The following SLC45A4 variants were observed in gnomAD, a reference collection of about 807,000 sequenced individuals.
SLC45A4 encodes solute carrier family 45 member 4.
In SLC45A4, 32 loss-of-function variants were observed where a neutral mutation model predicts 63.7. The observed-to-expected ratio is 0.50, with a 90% CI of 0.38 to 0.67. The LOEUF is 0.67. Ranked by LOEUF, SLC45A4 falls within the 30% of genes least tolerant of loss-of-function variation. The pLI, the probability that SLC45A4 is intolerant of heterozygous loss-of-function variation, is 0.00. For missense variants in SLC45A4, 1,027 were observed against 1,157.7 expected, an observed-to-expected ratio of 0.89 and a Z score of 1.64; for synonymous variants, 535 against 510.0, an observed-to-expected ratio of 1.05 and a Z score of -0.66.
At chr8:141,270,839 C>G (rs913382466) in intron 1 of SLC45A4, among the ~76,000 whole-genome samples, 1 of 152,138 alleles carries the variant, frequency 6.6e-6, no homozygotes, top group Non-Finnish European at 1.5e-5. Flanking sequence ...TGGGTCCCCA[C>G]GGCACCACCA....
intron 1 of SLC45A4, among the ~76,000 whole-genome samples, chr8:141,270,623 A>G (rs1456630888): frequency 6.6e-6 from 1 of 152,106 alleles, no homozygotes; most frequent in Non-Finnish European, 1.5e-5. Context: ...GTGAGCCAAG[A>G]TCGCATCGCT....
intron 2 of SLC45A4, among the ~76,000 whole-genome samples, chr8:141,222,641 G>A (rs1033020580): frequency 2.0e-5 from 3 of 152,240 alleles, no homozygotes; most frequent in Admixed American, 6.5e-5. Flanking sequence ...AAACAGTGTC[G>A]GCAGTCACAA....
At chr8:141,304,738 C>T (rs1018822616) in intron 1 of SLC45A4, among the ~76,000 whole-genome samples, 1 of 152,092 alleles carries the variant, frequency 6.6e-6, no homozygotes, top group Non-Finnish European at 1.5e-5. Context: ...CCAAGTGTCC[C>T]GTCTTCCTGG....
chr8:141,263,429 T>A (rs535598247), intron 1 of SLC45A4, among the ~76,000 whole-genome samples: 13 of 144,490 alleles, frequency 9.0e-5, no homozygotes, highest in African/African-American at 2.0e-4. Context: ...TGTGAAAAAA[T>A]AAATAAATAA....
intron 1 of SLC45A4, among the ~76,000 whole-genome samples, chr8:141,260,847 A>G (rs915226507): frequency 2.0e-5 from 3 of 152,236 alleles, no homozygotes; most frequent in African/African-American, 4.8e-5. Flanking sequence ...TCAATAGAAA[A>G]AGAGGGAATC....
At chr8:141,249,971 C>T (rs932749652) in intron 2 of SLC45A4, among the ~76,000 whole-genome samples, 1 of 152,192 alleles carries the variant, frequency 6.6e-6, no homozygotes, top group East Asian at 1.9e-4. Flanking sequence ...TACAGTTTTA[C>T]GTGAACTCTG....
intron 7 of SLC45A4, among the ~76,000 whole-genome samples, chr8:141,213,383 TG>T (rs1176750902): frequency 6.6e-6 from 1 of 152,250 alleles, no homozygotes; most frequent in Admixed American, 6.5e-5. Context: ...ACATGGGGTA[TG>T]TTCTCTGGCC....
In SLC45A4 at chr8:141,221,637, G is replaced by C. The variant is rs757182744; in HGVS notation, c.370C>G (p.Leu124Val). 6.2e-7 allele frequency: 1 copy of C among 1,614,088 alleles called. No homozygotes were observed. The highest frequency in any genetic ancestry group is 1.3e-5 in the African/African-American group (1 of 75,080). Reference sequence around the variant, plus strand: ...AAGAGGACGCCAACGCAGAGGGCGAGGATGAAGGGCCGCCGGCGGCCCCAG... The same window carrying C: ...AAGAGGACGCCAACGCAGAGGGCGACGATGAAGGGCCGCCGGCGGCCCCAG... ...LSWGRRRPFILALCVGVLFGV... is the reference protein window; with the variant it reads ...LSWGRRRPFIVALCVGVLFGV... The change falls in exon 3 of 9, where the codon CTC (leucine) becomes GTC (valine). Residue 124 changes from leucine (L) to valine (V), a missense_variant. By Grantham distance (32) the Leu-to-Val change is conservative. Coordinates refer to ENST00000517878, the MANE Select transcript of SLC45A4 (RefSeq NM_001286646.2).
At chr8:141,305,872 G>A (rs1009781257) in intron 1 of SLC45A4, among the ~76,000 whole-genome samples, 2 of 142,042 alleles carry the variant, frequency 1.4e-5, no homozygotes, top group Non-Finnish European at 3.2e-5. Context: ...TACCTTCCTC[G>A]GCTCCTTTCC....
At chr8:141,247,155 G>C (rs990603549) in intron 2 of SLC45A4, among the ~76,000 whole-genome samples, 6 of 142,210 alleles carry the variant, frequency 4.2e-5, no homozygotes, top group Non-Finnish European at 8.0e-5. Context: ...ACCAATATCA[G>C]GAAAGAAGGA....
At chr8:141,248,399 C>T (rs1013593163) in intron 2 of SLC45A4, among the ~76,000 whole-genome samples, 3 of 151,846 alleles carry the variant, frequency 2.0e-5, no homozygotes, top group Admixed American at 1.3e-4. Context: ...GAGACTCCAT[C>T]TCCCTAAAAA....
At chr8:141,300,860 C>G (rs1177168144) in intron 1 of SLC45A4, among the ~76,000 whole-genome samples, 2 of 152,226 alleles carry the variant, frequency 1.3e-5, no homozygotes, top group African/African-American at 4.8e-5. Flanking sequence ...ATTTAGAAAA[C>G]AGGCAATTAA....
At chr8:141,228,705 C>T (rs1827177388) in intron 2 of SLC45A4, 1 of 836,056 alleles carries the variant, frequency 1.2e-6, no homozygotes, top group African/African-American at 1.8e-5. Context: ...CGGAAGCTTC[C>T]TGAAGAGCAC....
At position 141,217,171 on chromosome 8, in the gene SLC45A4, C is replaced by A. The variant is rs542881539; in HGVS notation, c.1648G>T (p.Ala550Ser). The change falls in exon 6 of 9, where the codon GCC (alanine) becomes TCC (serine). Residue 550 changes from alanine (A) to serine (S), a missense_variant. Transcript: ENST00000517878. ...GDPKAPSNST[A>S]WQAYNAGVKM... ...ACCCCGGCGTTGTAGGCTTGCCAGG[C>A]GGTCGAGTTCGAGGGGGCCTGTTCC... The A allele has an allele frequency of 5.0e-6, 8 of 1,613,736 alleles. No individual in the cohort carries two copies. The highest frequency in any genetic ancestry group is 2.7e-5 in the African/African-American group (2 of 75,046).
chr8:141,286,688 C>T (rs1396041086), intron 1 of SLC45A4, among the ~76,000 whole-genome samples: 3 of 151,800 alleles, frequency 2.0e-5, no homozygotes, highest in African/African-American at 4.8e-5. Context: ...GGGTAAGGCC[C>T]CAACTTTAAC....
At chr8:141,307,888 A>C (rs2154615568) in intron 1 of SLC45A4, among the ~76,000 whole-genome samples, 3 of 129,682 alleles carry the variant, frequency 2.3e-5, no homozygotes, top group South Asian at 2.6e-4. Flanking sequence ...GCGGGAAGGA[A>C]TTGGGGGGCC....
intron 1 of SLC45A4, among the ~76,000 whole-genome samples, chr8:141,279,588 T>G (rs570203021): frequency 6.6e-6 from 1 of 152,320 alleles, no homozygotes; most frequent in East Asian, 1.9e-4. Context: ...AGTACACAAT[T>G]CCGCATTCCC....
intron 1 of SLC45A4, among the ~76,000 whole-genome samples, chr8:141,272,845 G>A (rs1391200536): frequency 1.3e-5 from 2 of 152,188 alleles, no homozygotes; most frequent in African/African-American, 4.8e-5. Context: ...TATTTCAACA[G>A]GCAAAGGCCA....
At chr8:141,294,862 C>T (rs986760969) in intron 1 of SLC45A4, among the ~76,000 whole-genome samples, 4 of 152,238 alleles carry the variant, frequency 2.6e-5, no homozygotes, top group African/African-American at 9.6e-5. Context: ...AATGCCAAAC[C>T]TAGGCCTCAT....
Sources: gnomAD v4.1 joint callset for allele counts (sites outside exome capture counted in the v4.1 genomes callset) on GRCh38, gnomAD v4.1.1 for gene constraint, MANE v1.5 for transcripts, NCBI Gene and HGNC (gene_info 2026-07-23, HGNC 2026-07-21) for gene names.